BCAT1: variants seen among roughly 807,000 people sequenced by gnomAD.
BCAT1 encodes branched chain amino acid transaminase 1, also known as branched-chain-amino-acid aminotransferase, cytosolic.
Under a neutral mutation model 52.4 loss-of-function variants are expected in BCAT1, and 48 were observed. The ratio of observed to expected loss-of-function variants is 0.92; its 90% CI spans 0.73 to 1.16. BCAT1 has a LOEUF of 1.16. Among genes scored for constraint, BCAT1 ranks in the 50% most tolerant of loss-of-function variants. BCAT1 has a pLI of 0.00. For missense variants in BCAT1, 451 were observed against 457.1 expected, an observed-to-expected ratio of 0.99 and a Z score of 0.12; for synonymous variants, 167 against 161.3, an observed-to-expected ratio of 1.04 and a Z score of -0.27.
chr12:24,886,832 T>TAA (rs1216608757), intron 3 of BCAT1, among the ~76,000 whole-genome samples: 3 of 121,584 alleles, frequency 2.5e-5, no homozygotes, highest in African/African-American at 3.1e-5. Flanking sequence ...CCCTGTCTCT[T>TAA]AAAAAAAAAA....
At chr12:24,868,332 A>G (rs1942084931) in intron 5 of BCAT1, among the ~76,000 whole-genome samples, 1 of 151,614 alleles carries the variant, frequency 6.6e-6, no homozygotes, top group Non-Finnish European at 1.5e-5. Flanking sequence ...AGGAAAATGG[A>G]AAAAAAAATA....
intron 2 of BCAT1, among the ~76,000 whole-genome samples, chr12:24,898,713 A>G (rs1260241607): frequency 6.6e-6 from 1 of 151,222 alleles, no homozygotes. Flanking sequence ...ACAGGGTTTC[A>G]CCATGTTGGC....
At position 24,863,105 on chromosome 12, in the gene BCAT1, TTTAAG is replaced by T. The variant is rs1176997534; in HGVS notation, c.511-13161_511-13157del. Among the ~76,000 whole-genome samples the T allele has an allele frequency of 4.6e-5, 7 of 152,192 alleles. 1 individual carries two copies. In the East Asian group the frequency reaches 1.3e-3, roughly 29 times the overall value. ...CTTGATAAAAAGGCTGATCAACTCTTTTAAGTTTTTAGATAAGAATGACCTTAGAA... is the reference window on the plus strand; with the variant it reads ...CTTGATAAAAAGGCTGATCAACTCTTTTTTTAGATAAGAATGACCTTAGAA... On this transcript the variant is annotated intron_variant, in intron 5 of 10. Transcript: ENST00000261192.
chr12:24,925,611 C>G (rs1204215891), intron 1 of BCAT1, among the ~76,000 whole-genome samples: 5 of 151,354 alleles, frequency 3.3e-5, no homozygotes, highest in Non-Finnish European at 7.4e-5. Flanking sequence ...CCCTCTCCCT[C>G]TCTTTCCACG....
rs1395589904 is a variant in BCAT1 at position 24,814,798 on chromosome 12, GTTTGTTTTT to G, written c.*3201_*3209del. Reference sequence around the variant, plus strand: ...CTTGCTACTGCCTGCCTCTGCCTCTGTTTGTTTTTTTTTTTTTTTTTTGTCTTACATTTT... The same window carrying G: ...CTTGCTACTGCCTGCCTCTGCCTCTGTTTTTTTTTTTTTGTCTTACATTTT... On this transcript the variant is annotated 3_prime_UTR_variant, in exon 11 of 11. Coordinates refer to ENST00000261192, the MANE Select transcript of BCAT1 (RefSeq NM_005504.7). The G allele has an allele frequency of 1.3e-4, 6 of 46,158 alleles. No individual in the cohort carries two copies. The highest frequency in any genetic ancestry group is 1.7e-3 in the South Asian group (2 of 1,156). The allele number at this position is 46,158 out of a possible 1,614,324, so 2.9% of individuals were successfully genotyped here. A position where few individuals can be genotyped will look rare whatever the true frequency, so the allele number is the denominator to read the frequency against.
rs150747607 is a variant in BCAT1, at chr12:24,867,123, C to T, written c.510+11407G>A. On this transcript the variant is annotated intron_variant, in intron 5 of 10. Transcript: ENST00000261192. ...AGCTGCAACACTCACCGCAAAGGTC[C>T]GCAGCTTCACTCCTGAGCCAACGAG... Among the ~76,000 whole-genome samples, 1,014 of 151,972 alleles carry T rather than the reference C, an allele frequency of 6.7e-3. 15 individuals are homozygous for T. The highest frequency in any genetic ancestry group is 0.023 in the African/African-American group (965 of 41,416).
intron 1 of BCAT1, among the ~76,000 whole-genome samples, chr12:24,923,557 C>T (rs1287248495): frequency 6.6e-6 from 1 of 152,194 alleles, no homozygotes; most frequent in African/African-American, 2.4e-5. Context: ...CAGGCGTGCA[C>T]CACCATGCCT....
chr12:24,858,323 T>C (rs1591813924), intron 5 of BCAT1, among the ~76,000 whole-genome samples: 1 of 152,132 alleles, frequency 6.6e-6, no homozygotes, highest in Non-Finnish European at 1.5e-5. Flanking sequence ...GTCAGAAAAA[T>C]AAAAACTTTA....
At chr12:24,819,954 GC>G (rs756823447) in intron 10 of BCAT1, among the ~76,000 whole-genome samples, 13 of 152,038 alleles carry the variant, frequency 8.6e-5, no homozygotes, top group Non-Finnish European at 1.5e-4. Flanking sequence ...TAAGGTAAGG[GC>G]AAAATATGTG....
At chr12:24,910,127 A>AGG (rs1228356380) in intron 1 of BCAT1, among the ~76,000 whole-genome samples, 1 of 152,146 alleles carries the variant, frequency 6.6e-6, no homozygotes, top group Non-Finnish European at 1.5e-5. Context: ...TAATCCCAGC[A>AGG]CTTTGGGAGG....
intron 1 of BCAT1, among the ~76,000 whole-genome samples, chr12:24,920,705 C>A (rs137982688): frequency 1.3e-5 from 2 of 152,264 alleles, no homozygotes; most frequent in African/African-American, 4.8e-5. Flanking sequence ...GAGATAGCAT[C>A]AGATCCACAA....
intron 1 of BCAT1, among the ~76,000 whole-genome samples, chr12:24,914,976 ATAATTTTCTCTTC>A (rs1187581067): frequency 6.6e-6 from 1 of 152,244 alleles, no homozygotes; most frequent in Non-Finnish European, 1.5e-5. Context: ...CTTCTGAAAT[ATAATTTTCTCTTC>A]TACAGTCATC....
chr12:24,823,535 A>G (rs1940240898), intron 10 of BCAT1, among the ~76,000 whole-genome samples: 1 of 152,154 alleles, frequency 6.6e-6, no homozygotes, highest in South Asian at 2.1e-4. Context: ...GTCCCCACCC[A>G]AATCTCATGT....
At chr12:24,902,957 A>G (rs752027584) in intron 1 of BCAT1, 32 of 1,507,322 alleles carry the variant, frequency 2.1e-5, no homozygotes, top group Non-Finnish European at 6.2e-6. Flanking sequence ...CTGGCGGGCA[A>G]GGGCCGCAGC....
At chr12:24,892,095 T>TTTTGC (rs1168613553) in intron 3 of BCAT1, among the ~76,000 whole-genome samples, 1 of 151,688 alleles carries the variant, frequency 6.6e-6, no homozygotes. Flanking sequence ...TTTTGTTTTG[T>TTTTGC]TTCAATAGAG....
At chr12:24,854,810 C>T (rs148261635) in intron 5 of BCAT1, among the ~76,000 whole-genome samples, 115 of 152,246 alleles carry the variant, frequency 7.6e-4, no homozygotes, top group African/African-American at 2.6e-3. Flanking sequence ...AGTTCTTCTC[C>T]TCTTAATCCA....
chr12:24,931,552 A>G (rs2139743142), intron 1 of BCAT1, among the ~76,000 whole-genome samples: 1 of 152,344 alleles, frequency 6.6e-6, no homozygotes, highest in South Asian at 2.1e-4. Flanking sequence ...AAAACAGGTT[A>G]CACATAAAAA....
At chr12:24,935,247 G>A (rs768424035) in intron 1 of BCAT1, among the ~76,000 whole-genome samples, 1 of 152,178 alleles carries the variant, frequency 6.6e-6, no homozygotes, top group East Asian at 1.9e-4. Flanking sequence ...GAGGAATCCA[G>A]CACGCAAAAT....
chr12:24,844,915 A>AAAAAAAC (rs1941297029), intron 6 of BCAT1, among the ~76,000 whole-genome samples: 4 of 132,444 alleles, frequency 3.0e-5, no homozygotes, highest in Non-Finnish European at 4.9e-5. Context: ...AAAAAAAAAA[A>AAAAAAAC]AAGAGTCCTT....
Sources: allele counts gnomAD v4.1 joint callset (sites outside exome capture counted in the v4.1 genomes callset), GRCh38; gene constraint gnomAD v4.1.1; transcripts MANE v1.5; gene names NCBI Gene and HGNC (gene_info 2026-07-23, HGNC 2026-07-21).